IGFBP5: variants seen among roughly 807,000 people sequenced by gnomAD.
IGFBP5 encodes the protein insulin-like growth factor-binding protein 5.
A neutral mutation model predicts 28.0 loss-of-function variants in IGFBP5; 12 were observed. The ratio of observed to expected loss-of-function variants is 0.43; its 90% CI spans 0.27 to 0.69. The LOEUF (loss-of-function observed/expected upper bound fraction) is 0.69, where lower values mean the gene tolerates loss of function less well. Among genes scored for constraint, IGFBP5 ranks in the 30% least tolerant of loss-of-function variants. IGFBP5 has a pLI of 0.20. For missense variants in IGFBP5, 344 were observed against 381.6 expected (o/e 0.90, Z 0.82); for synonymous variants, 152 against 150.2 (o/e 1.01, Z -0.09).
intron 1 of IGFBP5, among the ~76,000 whole-genome samples, chr2:216,685,099 T>C (rs1045216422): frequency 2.0e-5 from 3 of 152,056 alleles, no homozygotes; most frequent in African/African-American, 2.4e-5. Context: ...CTGGCCAACA[T>C]GGTAAAACCC....
chr2:216,677,113 T>C (rs577710132), intron 3 of IGFBP5, among the ~76,000 whole-genome samples: 4 of 152,138 alleles, frequency 2.6e-5, no homozygotes, highest in African/African-American at 9.6e-5. Flanking sequence ...CTTTCCTTTT[T>C]TTTTTTTCAG....
Position 216,675,986 on chromosome 2 carries a change from G to A in IGFBP5, c.*765C>T, listed in dbSNP as rs113360140. ...TCTAAAAAATGTCTGCCTGGGGAAT[G>A]AAATATGCACATGTATTTCATATTC... On this transcript the variant is annotated 3_prime_UTR_variant, in exon 4 of 4. Transcript: ENST00000233813. 5.3e-4 allele frequency: 81 copies of A among 152,670 alleles called. No homozygotes were observed. The highest frequency in any genetic ancestry group is 2.0e-3 in the African/African-American group (81 of 41,538). The allele number at this position is 152,670 out of a possible 1,614,324, so 9.5% of individuals were successfully genotyped here.
chr2:216,681,543 G>A (rs1283487290), intron 1 of IGFBP5, among the ~76,000 whole-genome samples: 1 of 152,164 alleles, frequency 6.6e-6, no homozygotes, highest in Non-Finnish European at 1.5e-5. Context: ...CCTGTGGCTG[G>A]TGTAGCAGTT....
chr2:216,676,841 G>A lies in IGFBP5; in HGVS notation c.729C>T (p.Cys243=), dbSNP rs1365884888. 3.1e-6 allele frequency: 5 copies of A among 1,613,952 alleles called. No homozygotes were observed. Among genetic ancestry groups the A allele is most frequent in the South Asian group, 1.1e-5 (1 of 91,076 alleles). The part of the protein sequence containing the change: ...SRGRKRGICW[C]VDKYGMKLPG... The stretch of plus-strand genomic sequence containing the variant: ...GCAGCTTCATCCCGTACTTGTCCAC[G>A]CACCAGCAGATGCCACGTTTGCGGC... The change falls in exon 4 of 4, where the codon TGC becomes TGT. Residue 243 remains cysteine (C), a synonymous_variant. Transcript: ENST00000233813.
rs1688886195 is a variant in IGFBP5 at position 216,675,585 on chromosome 2, A to C, written c.*1166T>G. ...AAAAGCTGAGTTTATTGCTCACGGG[A>C]AACTCTGCCTCGAGGCAGGCAAAAA... On this transcript the variant is annotated 3_prime_UTR_variant, in exon 4 of 4. Transcript: ENST00000233813. 1 of 152,184 alleles carries C rather than the reference A, an allele frequency of 6.6e-6. No homozygotes were observed. The highest frequency in any genetic ancestry group is 6.5e-5 in the Admixed American group (1 of 15,286). The allele number at this position is 152,184 out of a possible 1,614,324, so 9.4% of individuals were successfully genotyped here.
intron 1 of IGFBP5, among the ~76,000 whole-genome samples, chr2:216,691,334 C>A (rs560816586): frequency 6.6e-6 from 1 of 152,322 alleles, no homozygotes; most frequent in South Asian, 2.1e-4. Flanking sequence ...GAATGTCTCA[C>A]CAGCACAGAG....
Position 216,694,510 on chromosome 2 carries a change from G to A in IGFBP5, c.266C>T (p.Pro89Leu), listed in dbSNP as rs1376887686. Residue 89 changes from proline to leucine, a missense_variant, in exon 1 of 4, where the codon CCG becomes CTG. Pro to Leu is a moderately conservative substitution (Grantham distance 98). Coordinates refer to ENST00000233813, the MANE Select transcript of IGFBP5 (RefSeq NM_000599.4). The surrounding 1 kb of genome is among the most constrained non-coding windows in gnomAD (Gnocchi z 5.2). The stretch of plus-strand genomic sequence containing the variant: ...GCGGCCGTGCAGCAGGGCGTGCAGC[G>A]GCTTCTCCTCGTCCTGCCGGGGGAG... ...RCLPRQDEEK[P>L]LHALLHGRGV... The A allele has an allele frequency of 6.3e-7, 1 of 1,589,324 alleles. No homozygotes were observed. The highest frequency in any genetic ancestry group is 1.3e-5 in the African/African-American group (1 of 74,178).
Position 216,678,903 on chromosome 2 carries a change from T to C in IGFBP5, c.514A>G (p.Thr172Ala). ...GCAGAGATGATCCGGGGGTGGGCAGTGTTCTCGGCTCCCCCGACAAACTTG... is the reference window on the plus strand; with the variant it reads ...GCAGAGATGATCCGGGGGTGGGCAGCGTTCTCGGCTCCCCCGACAAACTTG... ...QSKFVGGAENTAHPRIISAPE... is the reference protein window; with the variant it reads ...QSKFVGGAENAAHPRIISAPE... Residue 172 changes from threonine (T) to alanine (A), a missense_variant, in exon 2 of 4, where the codon ACT becomes GCT. Physicochemically the swap from Thr to Ala is moderately conservative, Grantham distance 58 (BLOSUM62 0). Coordinates refer to ENST00000233813, the MANE Select transcript of IGFBP5 (RefSeq NM_000599.4). 6.2e-7 allele frequency: 1 copy of C among 1,614,190 alleles called. No individual in the cohort carries two copies. The highest frequency in any genetic ancestry group is 8.5e-7 in the Non-Finnish European group (1 of 1,180,038).
intron 1 of IGFBP5, among the ~76,000 whole-genome samples, chr2:216,686,590 CT>C (rs1377621216): frequency 1.3e-5 from 2 of 151,462 alleles, no homozygotes; most frequent in Non-Finnish European, 2.9e-5. Context: ...GCACTCCAGC[CT>C]GGGTGACAGA....
At chr2:216,691,940 G>A (rs1483174815) in intron 1 of IGFBP5, among the ~76,000 whole-genome samples, 1 of 148,686 alleles carries the variant, frequency 6.7e-6, no homozygotes, top group Non-Finnish European at 1.5e-5. Flanking sequence ...TTTGGCGGGG[G>A]TGGGGGAGAG....
intron 1 of IGFBP5, among the ~76,000 whole-genome samples, chr2:216,686,011 A>AAC (rs1180722425): frequency 1.3e-5 from 2 of 151,542 alleles, no homozygotes; most frequent in Non-Finnish European, 2.9e-5. Context: ...AAAAAAAAAA[A>AAC]CCCAAAGCTG....
intron 1 of IGFBP5, among the ~76,000 whole-genome samples, chr2:216,682,745 G>A (rs1688990656): frequency 6.6e-6 from 1 of 150,796 alleles, no homozygotes; most frequent in African/African-American, 2.4e-5. Context: ...GTCTCCTTCT[G>A]TCGCCCAGGC....
chr2:216,693,214 G>C (rs566058003), intron 1 of IGFBP5, among the ~76,000 whole-genome samples: 73 of 151,960 alleles, frequency 4.8e-4, no homozygotes, highest in African/African-American at 1.4e-3. Context: ...GTCTAAGGGG[G>C]TAGAACTGTT....
chr2:216,692,314 A>G lies in IGFBP5; in HGVS notation c.337+2125T>C, dbSNP rs1389713795. On this transcript the variant is annotated intron_variant, in intron 1 of 3. Coordinates refer to ENST00000233813, the MANE Select transcript of IGFBP5 (RefSeq NM_000599.4). This position sits in a 1 kb window ranked among gnomAD's most constrained non-coding sequence, Gnocchi z 4.2. ...GCACTCAGAAGGTGGGGGTTGAGCAAGGGGCGGCAGGGAATTCTACAGGGG... is the reference window on the plus strand; with the variant it reads ...GCACTCAGAAGGTGGGGGTTGAGCAGGGGGCGGCAGGGAATTCTACAGGGG... 6.7e-6 allele frequency among the ~76,000 whole-genome samples: 1 copy of G among 149,926 alleles called. No individual in the cohort carries two copies. The highest frequency in any genetic ancestry group is 2.5e-5 in the African/African-American group (1 of 40,754).
At chr2:216,685,710 C>A (rs926910366) in intron 1 of IGFBP5, among the ~76,000 whole-genome samples, 1 of 152,110 alleles carries the variant, frequency 6.6e-6, no homozygotes, top group Non-Finnish European at 1.5e-5. Flanking sequence ...GGCTTTTCTG[C>A]GCTTGTGTGT....
At chr2:216,693,479 C>T (rs1435822807) in intron 1 of IGFBP5, among the ~76,000 whole-genome samples, 1 of 23,838 alleles carries the variant, frequency 4.2e-5, no homozygotes, top group African/African-American at 1.6e-4. Context: ...AATTGCGGGG[C>T]GGGGGTGGAG....
Position 216,685,657 on chromosome 2 carries a change from T to C in IGFBP5, c.338-6578A>G, listed in dbSNP as rs570669890. 1.0e-3 allele frequency among the ~76,000 whole-genome samples: 154 copies of C among 152,312 alleles called. 1 individual carries two copies. The highest frequency in any genetic ancestry group is 3.6e-3 in the African/African-American group (148 of 41,572). On this transcript the variant is annotated intron_variant, in intron 1 of 3. Coordinates refer to ENST00000233813, the MANE Select transcript of IGFBP5 (RefSeq NM_000599.4). ...ACTGTTTGAAAAAATGTAAGACATG[T>C]CTCAGTCTCTTGAAGTCTGTTTCCC...
chr2:216,678,914 C>A lies in IGFBP5; in HGVS notation c.503G>T (p.Gly168Val), dbSNP rs1189302210. ...CCGGGGGTGGGCAGTGTTCTCGGCT[C>A]CCCCGACAAACTTGGACTGGGTCAG... ...KKLTQSKFVG[G>V]AENTAHPRII... Residue 168 changes from glycine to valine, a missense_variant, in exon 2 of 4, where the codon GGA (glycine) becomes GTA (valine). Transcript: ENST00000233813. The A allele has an allele frequency of 3.7e-6, 6 of 1,614,086 alleles. No homozygotes were observed. The highest frequency in any genetic ancestry group is 5.1e-6 in the Non-Finnish European group (6 of 1,180,048).
In IGFBP5 at chr2:216,695,197, A is replaced by T; in HGVS notation, c.-422T>A. 1 of 159,254 alleles carries T rather than the reference A, an allele frequency of 6.3e-6. No individual in the cohort carries two copies. Among genetic ancestry groups the T allele is most frequent in the Non-Finnish European group, 1.4e-5 (1 of 73,170 alleles). 9.9% of individuals were successfully genotyped at this position (159,254 alleles called of 1,614,324 possible). Reference sequence around the variant, plus strand: ...GGGAGAGAAAAATGGATTTATCTTTAAAATTTTTGCTTAAAATCTAAAATA... The same window carrying T: ...GGGAGAGAAAAATGGATTTATCTTTTAAATTTTTGCTTAAAATCTAAAATA... On this transcript the variant is annotated 5_prime_UTR_variant, in exon 1 of 4. Transcript: ENST00000233813.
Sources: gnomAD v4.1 joint callset for allele counts (sites outside exome capture counted in the v4.1 genomes callset) on GRCh38, gnomAD v4.1.1 for gene constraint, Gnocchi (gnomAD v3.1) non-coding constraint, MANE v1.5 for transcripts, NCBI Gene and HGNC (gene_info 2026-07-23, HGNC 2026-07-21) for gene names.